The following RAD51B variants were observed in gnomAD, a reference collection of about 807,000 sequenced individuals.
RAD51B encodes DNA repair protein RAD51 homolog 2.
In RAD51B, 38 loss-of-function variants were observed where a neutral mutation model predicts 42.2. The observed-to-expected ratio is 0.90, with a 90% CI of 0.70 to 1.18. The LOEUF is 1.18. Ranked by LOEUF, RAD51B falls within the 50% of genes most tolerant of loss-of-function variation. The pLI, the probability that RAD51B is intolerant of heterozygous loss-of-function variation, is 0.00. For missense variants in RAD51B, 373 were observed against 400.7 expected, an observed-to-expected ratio of 0.93 and a Z score of 0.59; for synonymous variants, 154 against 145.2, an observed-to-expected ratio of 1.06 and a Z score of -0.43.
intron 2 of RAD51B, among the ~76,000 whole-genome samples, chr14:67,825,229 G>A (rs926404421): frequency 6.6e-6 from 1 of 152,034 alleles, no homozygotes; most frequent in Non-Finnish European, 1.5e-5. Context: ...ATATTATTTG[G>A]TGTATCCTCT....
intron 8 of RAD51B, among the ~76,000 whole-genome samples, chr14:68,336,110 G>A (rs1196401982): frequency 6.6e-6 from 1 of 152,178 alleles, no homozygotes; most frequent in Non-Finnish European, 1.5e-5. Flanking sequence ...GTTATTCGGA[G>A]AGTTAAAAGA....
intron 7 of RAD51B, among the ~76,000 whole-genome samples, chr14:68,162,268 C>T (rs1048047255): frequency 3.3e-5 from 5 of 152,058 alleles, no homozygotes; most frequent in Admixed American, 1.3e-4. Flanking sequence ...TGCAATAGAA[C>T]GTAAATTCCT....
chr14:68,379,684 A>G (rs1349411161), intron 8 of RAD51B, among the ~76,000 whole-genome samples: 1 of 152,278 alleles, frequency 6.6e-6, no homozygotes, highest in African/African-American at 2.4e-5. Context: ...TGGTCAGGAT[A>G]CATCTGAATG....
intron 7 of RAD51B, among the ~76,000 whole-genome samples, chr14:68,067,832 T>C (rs2076678818): frequency 6.8e-6 from 1 of 146,532 alleles, no homozygotes; most frequent in Non-Finnish European, 1.5e-5. Context: ...CTAGGGAGGC[T>C]GAGGCAGGAG....
intron 10 of RAD51B, among the ~76,000 whole-genome samples, chr14:68,469,295 G>T (rs1393492563): frequency 6.6e-6 from 1 of 152,246 alleles, no homozygotes; most frequent in Non-Finnish European, 1.5e-5. Context: ...CAGGGAATAT[G>T]CAGGGCAGGC....
chr14:68,330,664 T>C (rs1228220133), intron 8 of RAD51B, among the ~76,000 whole-genome samples: 1 of 152,114 alleles, frequency 6.6e-6, no homozygotes, highest in East Asian at 1.9e-4. Context: ...AAGCAAATAT[T>C]GTATATAGAC....
chr14:68,673,411 ATACT>A (rs1403724567), intron 11 of RAD51B, among the ~76,000 whole-genome samples: 3 of 50,718 alleles, frequency 5.9e-5, no homozygotes, highest in Admixed American at 4.2e-4. Context: ...ATACACACAC[ATACT>A]GTATGCAAAC....
At chr14:67,953,213 G>C (rs2074486645) in intron 7 of RAD51B, among the ~76,000 whole-genome samples, 1 of 152,178 alleles carries the variant, frequency 6.6e-6, no homozygotes, top group African/African-American at 2.4e-5. Context: ...AAGTAGATGT[G>C]AACTGGACAT....
At chr14:67,916,177 A>G (rs759310351) in intron 7 of RAD51B, among the ~76,000 whole-genome samples, 3 of 152,268 alleles carry the variant, frequency 2.0e-5, no homozygotes, top group Admixed American at 6.5e-5. Context: ...AGAAATTTCC[A>G]TCTGCTGGCT....
At chr14:68,206,687 T>G (rs575334703) in intron 7 of RAD51B, among the ~76,000 whole-genome samples, 132 of 152,216 alleles carry the variant, frequency 8.7e-4, no homozygotes, top group Non-Finnish European at 1.6e-3. Context: ...TTTTTTTTTT[T>G]TTAACACTTC....
In RAD51B at chr14:68,294,627, A is replaced by G. The variant is rs113196179; in HGVS notation, c.853+2647A>G. On this transcript the variant is annotated intron_variant, in intron 8 of 10. Transcript: ENST00000471583. ...CAGGTTGGAAGAATACAAGATTGCT[A>G]AAGTGTTTTCCAGCTCTAGCATATA... 6.8e-4 allele frequency among the ~76,000 whole-genome samples: 103 copies of G among 152,324 alleles called. 1 individual carries two copies. Among genetic ancestry groups the G allele is most frequent in the African/African-American group, 2.4e-3 (101 of 41,576 alleles).
intron 4 of RAD51B, among the ~76,000 whole-genome samples, chr14:67,855,730 A>T (rs1357531441): frequency 6.6e-6 from 1 of 152,090 alleles, no homozygotes; most frequent in Non-Finnish European, 1.5e-5. Flanking sequence ...GCAAACATTT[A>T]TTTTTTTGCT....
At chr14:68,475,430 T>C (rs542000912) in intron 10 of RAD51B, among the ~76,000 whole-genome samples, 140 of 152,316 alleles carry the variant, frequency 9.2e-4, no homozygotes, top group Non-Finnish European at 1.7e-3. Flanking sequence ...GGACCCTCTT[T>C]GGTTCCAGAC....
At chr14:68,185,540 G>T (rs898585361) in intron 7 of RAD51B, among the ~76,000 whole-genome samples, 1 of 152,142 alleles carries the variant, frequency 6.6e-6, no homozygotes, top group Non-Finnish European at 1.5e-5. Flanking sequence ...TCATGGCAAG[G>T]AATTATATCA....
At chr14:68,444,460 G>A (rs959479885) in intron 9 of RAD51B, among the ~76,000 whole-genome samples, 2 of 140,058 alleles carry the variant, frequency 1.4e-5, no homozygotes, top group Admixed American at 1.4e-4. Flanking sequence ...GTGTGTGTGT[G>A]TGTGTGTGTG....
intron 7 of RAD51B, among the ~76,000 whole-genome samples, chr14:67,964,819 T>TTTA (rs1264899664): frequency 6.6e-6 from 1 of 152,222 alleles, no homozygotes; most frequent in East Asian, 1.9e-4. Flanking sequence ...CTCTTAGTAA[T>TTTA]GGACCTTCTT....
intron 10 of RAD51B, among the ~76,000 whole-genome samples, chr14:68,496,183 G>A (rs1208100326): frequency 6.6e-6 from 1 of 152,118 alleles, no homozygotes; most frequent in Non-Finnish European, 1.5e-5. Context: ...GGTAAAAGGG[G>A]GCTACTGACA....
chr14:68,342,788 A>G (rs2139841796), intron 8 of RAD51B, among the ~76,000 whole-genome samples: 1 of 152,308 alleles, frequency 6.6e-6, no homozygotes, highest in Non-Finnish European at 1.5e-5. Context: ...TTGTAAATTC[A>G]TACATGTCCA....
At chr14:68,388,658 C>A (rs185564607) in intron 8 of RAD51B, among the ~76,000 whole-genome samples, 432 of 152,190 alleles carry the variant, frequency 2.8e-3, no homozygotes, top group Non-Finnish European at 4.5e-3. Flanking sequence ...ACTTACTGAA[C>A]CCCAATTCTA....
Sources: allele counts gnomAD v4.1 joint callset (sites outside exome capture counted in the v4.1 genomes callset), GRCh38; gene constraint gnomAD v4.1.1; transcripts MANE v1.5; gene names NCBI Gene and HGNC (gene_info 2026-07-23, HGNC 2026-07-21).